The following COL14A1 variants were observed in gnomAD, a reference collection of about 807,000 sequenced individuals.
COL14A1 encodes collagen type XIV alpha 1 chain.
In COL14A1, 136 loss-of-function variants were observed where a neutral mutation model predicts 230.3. That is an observed-to-expected ratio of 0.59 (90% CI 0.51 to 0.68). COL14A1 has a LOEUF of 0.68. COL14A1 is among the 30% of genes least tolerant of loss of function. The pLI, the probability that COL14A1 is intolerant of heterozygous loss-of-function variation, is 0.00. For missense variants in COL14A1, 1,976 were observed against 2,215.8 expected, an observed-to-expected ratio of 0.89 and a Z score of 2.17; for synonymous variants, 792 against 784.1, an observed-to-expected ratio of 1.01 and a Z score of -0.17.
At chr8:120,264,833 C>T (rs1244887937) in intron 24 of COL14A1, among the ~76,000 whole-genome samples, 4 of 152,084 alleles carry the variant, frequency 2.6e-5, no homozygotes, top group East Asian at 1.9e-4. Context: ...AAGTTCTTTG[C>T]GCTTATTCGT....
chr8:120,158,338 T>G, intron 3 of COL14A1, 92 bp downstream of exon 3: 2 of 774,882 alleles, frequency 2.6e-6, no homozygotes, highest in Non-Finnish European at 4.5e-6. Context: ...GTGTTAGGAT[T>G]TTTTGGAAGC....
intron 43 of COL14A1, among the ~76,000 whole-genome samples, chr8:120,341,789 A>C (rs1032072532): frequency 3.3e-5 from 5 of 152,222 alleles, no homozygotes; most frequent in African/African-American, 4.8e-5. Flanking sequence ...ACCCAGGAAG[A>C]CAATGGCAGG....
rs777601037 is a variant in COL14A1 at position 120,227,318 on chromosome 8, C to T, written c.2103C>T (p.Ser701=). The T allele has an allele frequency of 9.9e-6, 16 of 1,613,776 alleles. No individual in the cohort carries two copies. The highest frequency in any genetic ancestry group is 6.7e-5 in the African/African-American group (5 of 74,890). Reference sequence around the variant, plus strand: ...TATTGGCCGTACTTGATGATGGAAGCGAGAGTGAGGTGGTGACTGCTGTCG... The same window carrying T: ...TATTGGCCGTACTTGATGATGGAAGTGAGAGTGAGGTGGTGACTGCTGTCG... The part of the protein sequence containing the change: ...VSLLAVLDDG[S]ESEVVTAVGT... The change falls in exon 17 of 48, where the codon AGC becomes AGT. Residue 701 remains serine (S), a synonymous_variant. Coordinates refer to ENST00000297848, the MANE Select transcript of COL14A1 (RefSeq NM_021110.4).
chr8:120,286,060 A>C, intron 33 of COL14A1, 90 bp downstream of exon 33: 3 of 736,462 alleles, frequency 4.1e-6, no homozygotes, highest in Non-Finnish European at 6.9e-6. Context: ...TTTGGATCTC[A>C]AATTTCAGCT....
chr8:120,360,415 TA>T (rs1404843447), intron 45 of COL14A1, among the ~76,000 whole-genome samples: 7 of 152,304 alleles, frequency 4.6e-5, no homozygotes, highest in Non-Finnish European at 4.4e-5. Flanking sequence ...AGACTAGCCT[TA>T]TATTCTATTG....
chr8:120,272,064 G>T (rs1187486100), intron 26 of COL14A1, among the ~76,000 whole-genome samples: 2 of 151,554 alleles, frequency 1.3e-5, no homozygotes, highest in Admixed American at 1.3e-4. Context: ...GAAAATGTGG[G>T]CACAAGAAGT....
chr8:120,295,702 T>C (rs1820505900), intron 34 of COL14A1, among the ~76,000 whole-genome samples: 1 of 151,908 alleles, frequency 6.6e-6, no homozygotes, highest in Non-Finnish European at 1.5e-5. Context: ...AAAGCTAATA[T>C]TTATTATTTA....
At chr8:120,234,966 T>C (rs900283921) in intron 19 of COL14A1, among the ~76,000 whole-genome samples, 2 of 152,202 alleles carry the variant, frequency 1.3e-5, no homozygotes, top group African/African-American at 4.8e-5. Context: ...GTTGGTAGGC[T>C]ATTAATTACT....
chr8:120,291,933 C>T (rs73329055), intron 34 of COL14A1, among the ~76,000 whole-genome samples: 4,084 of 152,192 alleles, frequency 0.027, 186 homozygotes, highest in African/African-American at 0.093. Context: ...ATCACAGTGT[C>T]TACTCAATAC....
chr8:120,287,124 G>A (rs956713685), intron 33 of COL14A1, among the ~76,000 whole-genome samples: 13 of 151,928 alleles, frequency 8.6e-5, no homozygotes, highest in African/African-American at 2.9e-4. Context: ...CCCAGAATGC[G>A]GTCAAATCAA....
At chr8:120,358,794 A>T (rs1246239963) in intron 45 of COL14A1, among the ~76,000 whole-genome samples, 1 of 152,194 alleles carries the variant, frequency 6.6e-6, no homozygotes, top group East Asian at 1.9e-4. Context: ...AGTTGTTTGT[A>T]TTAGCTGTGA....
chr8:120,203,364 C>T (rs1300063451), intron 8 of COL14A1, among the ~76,000 whole-genome samples: 2 of 145,630 alleles, frequency 1.4e-5, no homozygotes, highest in Non-Finnish European at 3.0e-5. Context: ...GGGGGGGGGT[C>T]CCAAGTGTTG....
intron 24 of COL14A1, among the ~76,000 whole-genome samples, chr8:120,264,522 C>A (rs1158823473): frequency 6.6e-6 from 1 of 152,068 alleles, no homozygotes; most frequent in African/African-American, 2.4e-5. Flanking sequence ...TGGCAGTAAA[C>A]AACCAATAAA....
chr8:120,199,535 T>C lies in COL14A1; in HGVS notation c.846T>C (p.Leu282=). ...QDDIIPPSRN[L]RESGVELFAI... ...ACATTATTCCACCATCTAGAAATCT[T>C]CGTGAGTCTGGTGTAGAACTGTTTG... is the stretch of plus-strand genomic sequence containing the variant. The change falls in exon 8 of 48, where the codon CTT becomes CTC. Residue 282 remains leucine, a synonymous_variant. Coordinates refer to ENST00000297848, the MANE Select transcript of COL14A1 (RefSeq NM_021110.4). 6.2e-7 allele frequency: 1 copy of C among 1,613,054 alleles called. No individual in the cohort carries two copies. The highest frequency in any genetic ancestry group is 8.5e-7 in the Non-Finnish European group (1 of 1,179,614).
chr8:120,211,136 C>T (rs1287794327), intron 12 of COL14A1, among the ~76,000 whole-genome samples: 2 of 152,076 alleles, frequency 1.3e-5, no homozygotes, highest in African/African-American at 4.8e-5. Context: ...AATATTTCAT[C>T]CTGTTGAAGA....
chr8:120,336,209 C>A (rs1429084589), intron 42 of COL14A1, among the ~76,000 whole-genome samples: 1 of 151,982 alleles, frequency 6.6e-6, no homozygotes, highest in Non-Finnish European at 1.5e-5. Flanking sequence ...GTGTGAAATG[C>A]CTTAAGGCAA....
chr8:120,248,916 TC>T, intron 21 of COL14A1, among the ~76,000 whole-genome samples: 1 of 128,816 alleles, frequency 7.8e-6, no homozygotes, highest in Non-Finnish European at 1.6e-5. Flanking sequence ...TTTCAATCTT[TC>T]TTTTTTTTTT....
At position 120,289,703 on chromosome 8, in the gene COL14A1, A is replaced by G; in HGVS notation, c.4173A>G (p.Ser1391=). 1 of 1,614,134 alleles carries G rather than the reference A, an allele frequency of 6.2e-7. No homozygotes were observed. Among genetic ancestry groups the G allele is most frequent in the African/African-American group, 1.3e-5 (1 of 75,070 alleles). ...TGAACGCATCAGCTAATATCACGTCAGATGGTGTAGAAGTGCTAGGGAAAA... is the reference window on the plus strand; with the variant it reads ...TGAACGCATCAGCTAATATCACGTCGGATGGTGTAGAAGTGCTAGGGAAAA... ...KAMNASANIT[S]DGVEVLGKMV... is the part of the protein sequence containing the mutation. Residue 1391 remains serine, a synonymous_variant, in exon 34 of 48, where the codon TCA becomes TCG. Transcript: ENST00000297848.
chr8:120,218,279 A>G (rs1489293835), intron 14 of COL14A1, among the ~76,000 whole-genome samples: 1 of 143,858 alleles, frequency 7.0e-6, no homozygotes, highest in Non-Finnish European at 1.5e-5. Context: ...TATAATATAT[A>G]AATAGATATA....
Sources: gnomAD v4.1 joint callset for allele counts (sites outside exome capture counted in the v4.1 genomes callset) on GRCh38, gnomAD v4.1.1 for gene constraint, MANE v1.5 for transcripts, NCBI Gene and HGNC (gene_info 2026-07-23, HGNC 2026-07-21) for gene names.